The following DDX25 variants were observed in gnomAD, a reference collection of about 807,000 sequenced individuals.
DDX25 encodes the protein ATP-dependent RNA helicase DDX25.
DDX25 carries 70 observed loss-of-function variants against 64.6 expected under a neutral mutation model. The ratio of observed to expected loss-of-function variants is 1.08; its 90% CI spans 0.89 to 1.32. DDX25 has a LOEUF of 1.32. Among genes scored for constraint, DDX25 ranks in the 40% most tolerant of loss-of-function variants. The pLI is 0.00. For missense variants in DDX25, 587 were observed against 604.4 expected (o/e 0.97, Z 0.30); for synonymous variants, 211 against 213.3 (o/e 0.99, Z 0.09).
Position 125,922,943 on chromosome 11 carries a change from G to A in DDX25, c.*62G>A. On this transcript the variant is annotated 3_prime_UTR_variant, in exon 12 of 12. Coordinates refer to ENST00000263576, the MANE Select transcript of DDX25 (RefSeq NM_013264.5). ...ATGTGAGAATGTCTCAGTGGGTTTT[G>A]AAGGTAATTTTTTTATGTTGAGGCT... 1.4e-6 allele frequency: 2 copies of A among 1,474,956 alleles called. No homozygotes were observed. Among genetic ancestry groups the A allele is most frequent in the Non-Finnish European group, 1.8e-6 (2 of 1,090,204 alleles). The allele number at this position is 1,474,956 out of a possible 1,614,324, so 91.4% of individuals were successfully genotyped here. A position where few individuals can be genotyped will look rare whatever the true frequency, so the allele number is the denominator to read the frequency against.
chr11:125,917,230 T>G lies in DDX25; in HGVS notation c.1017T>G (p.Gly339=), dbSNP rs1271379645. ...LCNIYGSITI[G]QAIIFCQTRR... is the part of the protein sequence containing the mutation. ...ACATTTATGGCAGCATCACCATTGG[T>G]CAGGCCATCATCTTCTGCCAGGTAC... The change falls in exon 9 of 12, where the codon GGT becomes GGG. Residue 339 remains glycine, a synonymous_variant. Coordinates refer to ENST00000263576, the MANE Select transcript of DDX25 (RefSeq NM_013264.5). 1.2e-6 allele frequency: 2 copies of G among 1,606,654 alleles called. No homozygotes were observed. Among genetic ancestry groups the G allele is most frequent in the African/African-American group, 2.7e-5 (2 of 74,806 alleles).
At chr11:125,911,673 C>A (rs889302910) in intron 8 of DDX25, among the ~76,000 whole-genome samples, 185 bp downstream of exon 8, 1 of 152,216 alleles carries the variant, frequency 6.6e-6, no homozygotes, top group Non-Finnish European at 1.5e-5. Context: ...TTTCCAGCTT[C>A]TTCAGTTTGT....
rs1363202036 is a variant in DDX25, at chr11:125,928,206, C to T, written c.*5325C>T. On this transcript the variant is annotated 3_prime_UTR_variant, in exon 12 of 12. Transcript: ENST00000263576. Reference sequence around the variant, plus strand: ...TAAAAATTATCAGCTTGATATAGTCCTGTTCTTAATATAAACATCTGTGGT... The same window carrying T: ...TAAAAATTATCAGCTTGATATAGTCTTGTTCTTAATATAAACATCTGTGGT... 3.3e-5 allele frequency: 5 copies of T among 152,072 alleles called. No individual in the cohort carries two copies. Among genetic ancestry groups the T allele is most frequent in the Non-Finnish European group, 5.9e-5 (4 of 68,016 alleles). 9.4% of individuals were successfully genotyped at this position (152,072 alleles called of 1,614,324 possible).
In DDX25 at chr11:125,921,441, T is replaced by C; in HGVS notation, c.1390+62T>C. The C allele has an allele frequency of 6.4e-7, 1 of 1,550,812 alleles. No homozygotes were observed. The highest frequency in any genetic ancestry group is 8.7e-7 in the Non-Finnish European group (1 of 1,145,748). On this transcript the variant is annotated intron_variant, in intron 11 of 11. Transcript: ENST00000263576. This position sits in a 1 kb window ranked among gnomAD's most constrained non-coding sequence, Gnocchi z 4.1. ...CTGCCGGTCTGACAGTGATGATGTG[T>C]GCTGGAGAGCTGGAGTCCAGGGGCT... is the stretch of plus-strand genomic sequence containing the variant.
chr11:125,916,916 A>G (rs1388509516), intron 8 of DDX25, 98 bp from the exon 9 acceptor site: 3 of 1,185,750 alleles, frequency 2.5e-6, no homozygotes, highest in African/African-American at 1.5e-5. Flanking sequence ...CTCACGTGGA[A>G]CAGGGGTGCG....
upstream of DDX25, among the ~76,000 whole-genome samples, chr11:125,904,167 C>T (rs2134269397): frequency 6.6e-6 from 1 of 152,312 alleles, no homozygotes; most frequent in East Asian, 1.9e-4. Flanking sequence ...GGGGGGCTCC[C>T]GCCTGGAGGG....
rs1230833259 is a variant in DDX25, at chr11:125,916,996, T to A, written c.801-18T>A. The stretch of plus-strand genomic sequence containing the variant: ...ATGGGATGGCAGCTTGGTGACAGCC[T>A]TCTCTCCTCTATCACAGAGCTCTAC... On this transcript the variant is annotated intron_variant, in intron 8 of 11. Coordinates refer to ENST00000263576, the MANE Select transcript of DDX25 (RefSeq NM_013264.5). 1.3e-6 allele frequency: 2 copies of A among 1,569,522 alleles called. No individual in the cohort carries two copies. The highest frequency in any genetic ancestry group is 1.9e-5 in the Admixed American group (1 of 53,082).
rs1019298337 is a variant in DDX25, at chr11:125,906,144, G to A, written c.246G>A (p.Val82=). 2 of 1,551,060 alleles carry A rather than the reference G, an allele frequency of 1.3e-6. No individual in the cohort carries two copies. Among genetic ancestry groups the A allele is most frequent in the Non-Finnish European group, 1.7e-6 (2 of 1,146,834 alleles). The part of the protein sequence containing the change: ...HQSLVESSHR[V]EVLQKDPSSP... ...CCTTAGTAGAATCCAGTCACCGTGTGGAAGTTTTACAGAAGGATCCCAGCT... is the reference window on the plus strand; with the variant it reads ...CCTTAGTAGAATCCAGTCACCGTGTAGAAGTTTTACAGAAGGATCCCAGCT... Residue 82 remains valine (V), a synonymous_variant, in exon 4 of 12, where the codon GTG becomes GTA. Transcript: ENST00000263576.
At chr11:125,920,950 ACACG>A (rs1945105006) in intron 10 of DDX25, 2 of 472,444 alleles carry the variant, frequency 4.2e-6, no homozygotes, top group Admixed American at 3.4e-5. Context: ...ACACACACAC[ACACG>A]CCTTGTGTAT....
intron 7 of DDX25, 36 bp from the exon 8 acceptor site, chr11:125,911,275 C>T (rs1944963986): frequency 6.4e-7 from 1 of 1,567,240 alleles, no homozygotes; most frequent in Non-Finnish European, 8.6e-7. Context: ...GAGTTGTTTG[C>T]ATCTGAAGGA....
At position 125,921,102 on chromosome 11, in the gene DDX25, A is replaced by G; in HGVS notation, c.1202-89A>G. 7.6e-7 allele frequency: 1 copy of G among 1,324,114 alleles called. No homozygotes were observed. 82.0% of individuals were successfully genotyped at this position (1,324,114 alleles called of 1,614,324 possible). The stretch of plus-strand genomic sequence containing the variant: ...TTGGATTTCTAAATTTTCTCTATAA[A>G]TAGGAATTCCCTTGGCAGACGTGGT... On this transcript the variant is annotated intron_variant, in intron 10 of 11. Transcript: ENST00000263576. The surrounding 1 kb of genome is among the most constrained non-coding windows in gnomAD (Gnocchi z 4.1).
intron 4 of DDX25, among the ~76,000 whole-genome samples, chr11:125,907,433 C>T (rs542002798): frequency 1.6e-4 from 24 of 152,086 alleles, no homozygotes; most frequent in Non-Finnish European, 3.1e-4. Context: ...ACAGTGAAAC[C>T]CCGTCTCTAC....
chr11:125,918,882 T>C, intron 10 of DDX25, 92 bp downstream of exon 10: 1 of 1,354,774 alleles, frequency 7.4e-7, no homozygotes, highest in South Asian at 1.5e-5. Flanking sequence ...TCGACAAACA[T>C]GCAATCATGC....
upstream of DDX25, among the ~76,000 whole-genome samples, chr11:125,904,161 G>A (rs1385497206): frequency 6.6e-6 from 1 of 152,220 alleles, no homozygotes; most frequent in Non-Finnish European, 1.5e-5. Flanking sequence ...GAGTCCGGGG[G>A]GCTCCCGCCT....
rs1288928297 is a variant in DDX25, at chr11:125,918,724, TC to T, written c.1137del (p.Ile380SerfsTer14). 1 of 1,613,262 alleles carries T rather than the reference TC, an allele frequency of 6.2e-7. No individual in the cohort carries two copies. Among genetic ancestry groups the T allele is most frequent in the South Asian group, 1.1e-5 (1 of 90,836 alleles). Reference protein sequence around the residue: ...SGELTVEQRASIIQRFRDGKE... With the variant: ...SGELTVEQRAXIIQRFRDGKE... ...GGAGCTGACCGTGGAGCAGCGAGCT[TC>T]CATCATTCAGAGGTTTCGGGATGGG... is the stretch of plus-strand genomic sequence containing the variant. On this transcript the variant is annotated frameshift_variant, in exon 10 of 12. Coordinates refer to ENST00000263576, the MANE Select transcript of DDX25 (RefSeq NM_013264.5). LOFTEE classifies it high-confidence loss of function.
rs1351688230 is a variant in DDX25, at chr11:125,921,418, G to A, written c.1390+39G>A. The A allele has an allele frequency of 1.3e-6, 2 of 1,595,688 alleles. No individual in the cohort carries two copies. Among genetic ancestry groups the A allele is most frequent in the East Asian group, 2.2e-5 (1 of 44,574 alleles). ...CCCTCACAATATGAACTACAGACCTGCCGGTCTGACAGTGATGATGTGTGC... is the reference window on the plus strand; with the variant it reads ...CCCTCACAATATGAACTACAGACCTACCGGTCTGACAGTGATGATGTGTGC... On this transcript the variant is annotated intron_variant, in intron 11 of 11. Coordinates refer to ENST00000263576, the MANE Select transcript of DDX25 (RefSeq NM_013264.5). This position sits in a 1 kb window ranked among gnomAD's most constrained non-coding sequence, Gnocchi z 4.1.
Position 125,910,373 on chromosome 11 carries a change from C to G in DDX25, c.517C>G (p.Leu173Val). 1 of 1,613,908 alleles carries G rather than the reference C, an allele frequency of 6.2e-7. No homozygotes were observed. The highest frequency in any genetic ancestry group is 1.1e-5 in the South Asian group (1 of 91,064). Residue 173 changes from leucine (L) to valine (V), a missense_variant, in exon 7 of 12, where the codon CTA becomes GTA. Coordinates refer to ENST00000263576, the MANE Select transcript of DDX25 (RefSeq NM_013264.5). ...ALELFPQCLC[L>V]APTYELALQT... is the part of the protein sequence containing the mutation. The stretch of plus-strand genomic sequence containing the variant: ...TCTCTCTATCCCACAGTGCCTCTGC[C>G]TAGCTCCTACTTATGAATTGGCTCT...
Position 125,921,436 on chromosome 11 carries a change from A to G in DDX25, c.1390+57A>G, listed in dbSNP as rs780011359. On this transcript the variant is annotated intron_variant, in intron 11 of 11. Coordinates refer to ENST00000263576, the MANE Select transcript of DDX25 (RefSeq NM_013264.5). The surrounding 1 kb of genome is among the most constrained non-coding windows in gnomAD (Gnocchi z 4.1). ...CAGACCTGCCGGTCTGACAGTGATG[A>G]TGTGTGCTGGAGAGCTGGAGTCCAG... 6.4e-7 allele frequency: 1 copy of G among 1,573,510 alleles called. No homozygotes were observed. The highest frequency in any genetic ancestry group is 8.6e-7 in the Non-Finnish European group (1 of 1,157,790).
chr11:125,912,697 GT>G (rs1944981714), intron 8 of DDX25, among the ~76,000 whole-genome samples: 1 of 149,954 alleles, frequency 6.7e-6, no homozygotes, highest in South Asian at 2.1e-4. Flanking sequence ...ATAAAGGGCT[GT>G]TTTTCTTGTA....
Sources: allele counts gnomAD v4.1 joint callset (sites outside exome capture counted in the v4.1 genomes callset), GRCh38; gene constraint gnomAD v4.1.1; non-coding constraint Gnocchi (gnomAD v3.1); transcripts MANE v1.5; gene names NCBI Gene and HGNC (gene_info 2026-07-23, HGNC 2026-07-21).